The following FAM149B1 variants were observed in gnomAD, a reference collection of about 807,000 sequenced individuals.
FAM149B1 encodes family with sequence similarity 149 member B1, also known as primary cilium assembly protein FAM149B1.
In FAM149B1, 56 loss-of-function variants were observed where a neutral mutation model predicts 75.3. That is an observed-to-expected ratio of 0.74 (90% CI 0.60 to 0.93). The LOEUF (loss-of-function observed/expected upper bound fraction) is 0.93. FAM149B1 is among the 40% of genes least tolerant of loss of function. The pLI is 0.00. For missense variants in FAM149B1, 639 were observed against 708.4 expected (o/e 0.90, Z 1.11); for synonymous variants, 259 against 256.1 (o/e 1.01, Z -0.11).
intron 3 of FAM149B1, among the ~76,000 whole-genome samples, chr10:73,187,993 G>C (rs990374745): frequency 4.6e-5 from 7 of 152,100 alleles, no homozygotes; most frequent in Non-Finnish European, 1.5e-5. Context: ...TGAGGCAGGA[G>C]AATCACTTGA....
chr10:73,230,595 C>A lies in FAM149B1; in HGVS notation c.1127+70C>A. On this transcript the variant is annotated intron_variant, in intron 9 of 13. Coordinates refer to ENST00000242505, the MANE Select transcript of FAM149B1 (RefSeq NM_173348.2). ...CAGAGGGAAAGCAAAATCAGTTTAT[C>A]AGTATGCATGTATTGAGTGCCAACC... The A allele has an allele frequency of 1.1e-6, 1 of 879,054 alleles. No homozygotes were observed. The highest frequency in any genetic ancestry group is 1.9e-6 in the Non-Finnish European group (1 of 538,662). The allele number at this position is 879,054 out of a possible 1,614,324, so 54.5% of individuals were successfully genotyped here. A position where few individuals can be genotyped will look rare whatever the true frequency, so the allele number is the denominator to read the frequency against.
At chr10:73,202,822 C>G (rs1463807931) in intron 5 of FAM149B1, among the ~76,000 whole-genome samples, 7 of 152,050 alleles carry the variant, frequency 4.6e-5, no homozygotes, top group African/African-American at 1.2e-4. Flanking sequence ...TCCCGAGTAG[C>G]TGGGACTACT....
chr10:73,237,392 AT>A (rs1175920078), intron 12 of FAM149B1, among the ~76,000 whole-genome samples: 1 of 152,002 alleles, frequency 6.6e-6, no homozygotes, highest in Non-Finnish European at 1.5e-5. Context: ...GTACTTGATG[AT>A]TATATTACAC....
intron 1 of FAM149B1, chr10:73,168,802 A>T (rs1487284194): frequency 5.9e-6 from 1 of 168,330 alleles, no homozygotes; most frequent in Non-Finnish European, 1.3e-5. Context: ...TTCTACAGAT[A>T]AAGATCCCAG....
intron 7 of FAM149B1, among the ~76,000 whole-genome samples, chr10:73,213,233 C>T (rs2043227555): frequency 6.6e-6 from 1 of 152,082 alleles, no homozygotes; most frequent in African/African-American, 2.4e-5. Context: ...GATATTAGTC[C>T]TTTGTCAGAT....
chr10:73,239,140 T>C (rs2043888667), intron 12 of FAM149B1, 172 bp from the exon 13 acceptor site: 2 of 550,222 alleles, frequency 3.6e-6, no homozygotes, highest in Non-Finnish European at 6.5e-6. Flanking sequence ...GGCATCTGGC[T>C]TGGGATTTTC....
intron 9 of FAM149B1, among the ~76,000 whole-genome samples, chr10:73,231,460 T>C (rs1194576984): frequency 6.6e-6 from 1 of 152,128 alleles, no homozygotes; most frequent in East Asian, 1.9e-4. Flanking sequence ...TGTATGAATT[T>C]TGGTTTGGGA....
intron 3 of FAM149B1, among the ~76,000 whole-genome samples, chr10:73,181,251 C>T (rs1022896339): frequency 5.9e-5 from 9 of 152,220 alleles, no homozygotes; most frequent in Non-Finnish European, 1.0e-4. Context: ...CCTCATGATC[C>T]GCCTGCCTTG....
intron 12 of FAM149B1, chr10:73,235,612 C>CT (rs1554864455): frequency 7.6e-6 from 3 of 393,006 alleles, no homozygotes; most frequent in Non-Finnish European, 1.3e-5. Flanking sequence ...ATAAGCATAA[C>CT]TTTATTATGT....
At chr10:73,230,274 G>C in intron 8 of FAM149B1, 148 bp from the exon 9 acceptor site, 1 of 558,072 alleles carries the variant, frequency 1.8e-6, no homozygotes. Flanking sequence ...TGGGGCCCCA[G>C]CTACGGGCCC....
chr10:73,207,400 C>T (rs2043090793), intron 5 of FAM149B1, among the ~76,000 whole-genome samples: 1 of 151,948 alleles, frequency 6.6e-6, no homozygotes, highest in African/African-American at 2.4e-5. Context: ...CCCATCTCTA[C>T]TAAAAATACA....
At chr10:73,177,724 T>A in intron 2 of FAM149B1, 122 bp from the exon 3 acceptor site, 1 of 792,632 alleles carries the variant, frequency 1.3e-6, no homozygotes, top group Non-Finnish European at 1.9e-6. Flanking sequence ...TTTTTGCCTA[T>A]GTGGATATAT....
At chr10:73,195,084 C>T (rs1301313019) in intron 5 of FAM149B1, among the ~76,000 whole-genome samples, 2 of 152,208 alleles carry the variant, frequency 1.3e-5, no homozygotes, top group Admixed American at 6.5e-5. Flanking sequence ...TATGCCTATA[C>T]TTAAATCTAC....
At chr10:73,220,750 C>T (rs1045829838) in intron 7 of FAM149B1, among the ~76,000 whole-genome samples, 5 of 152,150 alleles carry the variant, frequency 3.3e-5, no homozygotes, top group South Asian at 2.1e-4. Flanking sequence ...TCTATTTACA[C>T]GTGGAGAAAA....
intron 2 of FAM149B1, 120 bp downstream of exon 2, chr10:73,174,911 A>C (rs1457802139): frequency 6.0e-6 from 4 of 662,104 alleles, no homozygotes; most frequent in South Asian, 1.9e-5. Flanking sequence ...AATTTTTGTC[A>C]TGTTCTCAGT....
chr10:73,188,981 C>G (rs1177263117), intron 3 of FAM149B1, among the ~76,000 whole-genome samples: 1 of 151,810 alleles, frequency 6.6e-6, no homozygotes, highest in Admixed American at 6.6e-5. Context: ...ATCATTTGAT[C>G]CCAAGTATTT....
chr10:73,223,430 T>C (rs1301726253), intron 7 of FAM149B1, among the ~76,000 whole-genome samples: 1 of 152,226 alleles, frequency 6.6e-6, no homozygotes, highest in Non-Finnish European at 1.5e-5. Flanking sequence ...TATGACTATA[T>C]CACACCCTAC....
At chr10:73,204,677 A>G (rs1458211500) in intron 5 of FAM149B1, among the ~76,000 whole-genome samples, 1 of 152,078 alleles carries the variant, frequency 6.6e-6, no homozygotes, top group African/African-American at 2.4e-5. Flanking sequence ...ATCCCTGCCC[A>G]TAAGGAGCAT....
intron 4 of FAM149B1, 111 bp from the exon 5 acceptor site, chr10:73,193,366 C>G: frequency 1.0e-6 from 1 of 976,304 alleles, no homozygotes. Context: ...CAGTATCAGA[C>G]TGTATACTGG....
Sources: gnomAD v4.1 joint callset for allele counts (sites outside exome capture counted in the v4.1 genomes callset) on GRCh38, gnomAD v4.1.1 for gene constraint, MANE v1.5 for transcripts, NCBI Gene and HGNC (gene_info 2026-07-23, HGNC 2026-07-21) for gene names.